GPHN: variants seen among roughly 807,000 people sequenced by gnomAD.
GPHN encodes gephyrin.
GPHN carries 17 observed loss-of-function variants against 95.5 expected under a neutral mutation model. The ratio of observed to expected loss-of-function variants is 0.18; its 90% CI spans 0.12 to 0.27. The LOEUF is 0.27. GPHN is among the 10% of genes least tolerant of loss of function. The pLI is 1.00. For synonymous variants in GPHN, 320 were observed against 322.5 expected, an observed-to-expected ratio of 0.99 and a Z score of 0.08; for missense variants, 660 against 978.1, an observed-to-expected ratio of 0.67 and a Z score of 4.34.
chr14:67,144,240 A>T (rs1299334096), intron 18 of GPHN, among the ~76,000 whole-genome samples: 6 of 54,506 alleles, frequency 1.1e-4, no homozygotes, highest in African/African-American at 6.5e-4. Flanking sequence ...CTGTCTTAAA[A>T]AAAAAAAAAA....
chr14:67,146,198 A>G (rs191497470), intron 18 of GPHN, among the ~76,000 whole-genome samples: 68 of 152,286 alleles, frequency 4.5e-4, no homozygotes, highest in African/African-American at 1.3e-3. Context: ...ACTGCATGCT[A>G]AACAGCGAGG....
At chr14:67,656,030 GA>G in the GPHN span, among the ~76,000 whole-genome samples, 1 of 152,162 alleles carries the variant, frequency 6.6e-6, no homozygotes, top group East Asian at 1.9e-4. Flanking sequence ...TGGATCACCT[GA>G]AGTTAGGAGT....
intron 4 of GPHN, among the ~76,000 whole-genome samples, chr14:66,847,307 G>T (rs2062379115): frequency 6.6e-6 from 1 of 152,006 alleles, no homozygotes; most frequent in African/African-American, 2.4e-5. Context: ...CATTCATTCT[G>T]AAAAACATTT....
chr14:67,165,086 CA>C, intron 19 of GPHN, 75 bp from the exon 20 acceptor site: 2 of 1,004,380 alleles, frequency 2.0e-6, no homozygotes. Flanking sequence ...GTATGGATTA[CA>C]AAAACACTGG....
the GPHN span, among the ~76,000 whole-genome samples, chr14:67,689,672 G>A: frequency 6.6e-6 from 1 of 152,096 alleles, no homozygotes; most frequent in Non-Finnish European, 1.5e-5. Context: ...GGCCAGGTGC[G>A]GTGGCTCACA....
the GPHN span, among the ~76,000 whole-genome samples, chr14:67,435,985 G>T: frequency 2.0e-5 from 3 of 152,228 alleles, no homozygotes. Flanking sequence ...GGCAAGGCAG[G>T]TCTGATGGGA....
chr14:67,164,545 G>A (rs1051604190), intron 19 of GPHN, among the ~76,000 whole-genome samples: 3 of 151,756 alleles, frequency 2.0e-5, no homozygotes, highest in Non-Finnish European at 2.9e-5. Flanking sequence ...CCAGGCTGGC[G>A]TGCAGTGGCC....
intron 1 of GPHN, among the ~76,000 whole-genome samples, chr14:66,625,888 A>G (rs1018485803): frequency 9.2e-5 from 14 of 152,160 alleles, no homozygotes; most frequent in African/African-American, 2.9e-4. Flanking sequence ...TGGCTTTTCT[A>G]TGTAATAGGA....
chr14:67,342,800 TTTC>T, the GPHN span, among the ~76,000 whole-genome samples: 8 of 151,898 alleles, frequency 5.3e-5, no homozygotes, highest in Non-Finnish European at 8.8e-5. Context: ...AGCAAAGGAA[TTTC>T]TTTACTTCAA....
At chr14:67,725,052 A>T in the GPHN span, 3 of 1,607,862 alleles carry the variant, frequency 1.9e-6, no homozygotes, top group East Asian at 6.7e-5. Flanking sequence ...TACCTCCTTT[A>T]TAGCCTAGGA....
intron 3 of GPHN, among the ~76,000 whole-genome samples, chr14:66,816,407 A>G (rs1422085515): frequency 1.3e-5 from 2 of 152,170 alleles, no homozygotes; most frequent in African/African-American, 2.4e-5. Context: ...TCAGAAGTAA[A>G]ACGCTCTTGA....
At chr14:67,387,123 C>G in the GPHN span, 1 of 453,108 alleles carries the variant, frequency 2.2e-6, no homozygotes, top group Non-Finnish European at 3.8e-6. Flanking sequence ...AATGGCTGTT[C>G]TAGCCTTTCC....
chr14:67,699,937 C>T, the GPHN span, among the ~76,000 whole-genome samples: 3 of 151,992 alleles, frequency 2.0e-5, no homozygotes, highest in East Asian at 5.8e-4. Context: ...GTCAAGACAT[C>T]GAGACCATCC....
intron 2 of GPHN, among the ~76,000 whole-genome samples, chr14:66,737,856 A>G (rs529432275): frequency 2.0e-4 from 30 of 152,318 alleles, no homozygotes; most frequent in Non-Finnish European, 4.0e-4. Context: ...ACCTTAACTG[A>G]ATATGTTGGT....
intron 4 of GPHN, among the ~76,000 whole-genome samples, chr14:66,834,439 T>G (rs1252979021): frequency 6.6e-6 from 1 of 152,182 alleles, no homozygotes; most frequent in Non-Finnish European, 1.5e-5. Flanking sequence ...CATCAATACC[T>G]AATTTATTGA....
At chr14:67,286,729 G>C in the GPHN span, among the ~76,000 whole-genome samples, 14 of 151,566 alleles carry the variant, frequency 9.2e-5, no homozygotes, top group Non-Finnish European at 2.1e-4. Context: ...GTGGTGGAAT[G>C]CGACTGTGGT....
chr14:67,300,550 A>G, the GPHN span, among the ~76,000 whole-genome samples: 1 of 152,060 alleles, frequency 6.6e-6, no homozygotes, highest in South Asian at 2.1e-4. Context: ...CTGGTCTCGA[A>G]CTCCTGACCT....
At chr14:66,834,680 C>T (rs2061720874) in intron 4 of GPHN, among the ~76,000 whole-genome samples, 1 of 151,848 alleles carries the variant, frequency 6.6e-6, no homozygotes, top group South Asian at 2.1e-4. Context: ...AGGATTTTTG[C>T]ATCAATGTTC....
At chr14:67,018,089 A>T (rs1384116579) in intron 9 of GPHN, among the ~76,000 whole-genome samples, 1 of 152,138 alleles carries the variant, frequency 6.6e-6, no homozygotes, top group East Asian at 1.9e-4. Context: ...CATATCAGTA[A>T]TTGGAATATG....
Sources: allele counts gnomAD v4.1 joint callset (sites outside exome capture counted in the v4.1 genomes callset), GRCh38; gene constraint gnomAD v4.1.1; transcripts MANE v1.5; gene names NCBI Gene and HGNC (gene_info 2026-07-23, HGNC 2026-07-21).